FAM178B: variants seen among roughly 807,000 people sequenced by gnomAD.
The protein encoded by FAM178B is protein FAM178B.
A neutral mutation model predicts 91.7 loss-of-function variants in FAM178B; 82 were observed. The observed-to-expected ratio is 0.89, with a 90% CI of 0.75 to 1.07. FAM178B has a LOEUF of 1.07. FAM178B is among the 50% of genes least tolerant of loss of function. The pLI is 0.00. For synonymous variants in FAM178B, 368 were observed against 359.4 expected, an observed-to-expected ratio of 1.02 and a Z score of -0.27; for missense variants, 769 against 846.7, an observed-to-expected ratio of 0.91 and a Z score of 1.14.
intron 12 of FAM178B, 37 bp downstream of exon 12, chr2:96,921,128 T>G: frequency 6.6e-7 from 1 of 1,503,824 alleles, no homozygotes; most frequent in Non-Finnish European, 9.1e-7. Context: ...AAGAGATGCG[T>G]GTGAGAGGGA....
chr2:96,883,440 T>C (rs183208121), intron 14 of FAM178B, among the ~76,000 whole-genome samples: 1 of 151,988 alleles, frequency 6.6e-6, no homozygotes, highest in East Asian at 1.9e-4. Flanking sequence ...CCAGAACATA[T>C]AACCTTTCTC....
chr2:96,926,193 C>T (rs965001915), intron 9 of FAM178B, among the ~76,000 whole-genome samples: 2 of 152,168 alleles, frequency 1.3e-5, no homozygotes, highest in African/African-American at 4.8e-5. Context: ...ATCCCAGGTA[C>T]TCAGGAGGCT....
chr2:96,935,425 C>T (rs987975207), intron 8 of FAM178B, among the ~76,000 whole-genome samples: 1 of 152,102 alleles, frequency 6.6e-6, no homozygotes, highest in Admixed American at 6.5e-5. Flanking sequence ...AGGCAATCGC[C>T]TTCTCACTTG....
At chr2:96,981,758 A>AG (rs1007750839) in intron 1 of FAM178B, among the ~76,000 whole-genome samples, 1 of 150,642 alleles carries the variant, frequency 6.6e-6, no homozygotes, top group African/African-American at 2.4e-5. Context: ...AAAAAAAAAA[A>AG]AAAAGAAAGA....
At chr2:96,896,151 CT>C (rs1372762289) in intron 13 of FAM178B, among the ~76,000 whole-genome samples, 4 of 152,228 alleles carry the variant, frequency 2.6e-5, no homozygotes, top group African/African-American at 9.6e-5. Flanking sequence ...CCAGCGTGGC[CT>C]TTGGGCAGGC....
chr2:96,951,472 G>A lies in FAM178B; in HGVS notation c.900C>T (p.Ala300=), dbSNP rs2081926731. 6.4e-7 allele frequency: 1 copy of A among 1,551,556 alleles called. No individual in the cohort carries two copies. The highest frequency in any genetic ancestry group is 8.7e-7 in the Non-Finnish European group (1 of 1,146,884). ...CACTGCGCAGGAAGGAGAGCTGTTG[G>A]GCTGGCGGGGAGCTGGGAGGCAGAG... is the stretch of plus-strand genomic sequence containing the variant. ...LEGLFLSSPP[A]QQLSFLRSGL... is the part of the protein sequence containing the mutation. Residue 300 remains alanine (A), a synonymous_variant, in exon 7 of 17, where the codon GCC becomes GCT. Transcript: ENST00000490605.
intron 9 of FAM178B, among the ~76,000 whole-genome samples, chr2:96,926,706 C>A (rs1032867068): frequency 2.6e-5 from 4 of 152,236 alleles, no homozygotes; most frequent in African/African-American, 9.6e-5. Flanking sequence ...CATGGCCCAG[C>A]TGCGGAAGGA....
chr2:96,926,959 G>A (rs2081450383), intron 9 of FAM178B, among the ~76,000 whole-genome samples: 1 of 152,224 alleles, frequency 6.6e-6, no homozygotes, highest in Non-Finnish European at 1.5e-5. Context: ...CTGGATGGAG[G>A]CATCCCTGGA....
At chr2:96,894,563 C>T (rs1359986793) in intron 13 of FAM178B, among the ~76,000 whole-genome samples, 2 of 115,758 alleles carry the variant, frequency 1.7e-5, no homozygotes, top group Non-Finnish European at 3.6e-5. Context: ...CCCCCACACA[C>T]CCCCACCCAC....
Position 96,877,753 on chromosome 2 carries a change from C to T in FAM178B, c.2007+137G>A, listed in dbSNP as rs1293714085. On this transcript the variant is annotated intron_variant, in intron 16 of 16. Coordinates refer to ENST00000490605, the MANE Select transcript of FAM178B (RefSeq NM_001122646.3). ...GCCCCTCAAGGCGTCCCCACCCTTC[C>T]CCCACATGCCCACTCCACCCATATC... 4 of 842,134 alleles carry T rather than the reference C, an allele frequency of 4.7e-6. No homozygotes were observed. The African/African-American group carries it at 5.1e-5, about 11-fold the overall frequency. The allele number at this position is 842,134 out of a possible 1,614,324, so 52.2% of individuals were successfully genotyped here.
rs373594394 is a variant in FAM178B at position 96,986,526 on chromosome 2, G to C, written c.-213C>G. 3 of 596,402 alleles carry C rather than the reference G, an allele frequency of 5.0e-6. No homozygotes were observed. The highest frequency in any genetic ancestry group is 8.4e-6 in the Non-Finnish European group (3 of 355,208). The allele number at this position is 596,402 out of a possible 1,614,324, so 36.9% of individuals were successfully genotyped here. On this transcript the variant is annotated 5_prime_UTR_variant, in exon 1 of 17. Transcript: ENST00000490605. ...GGATTGAGTTCCGACTCCAAACCAA[G>C]CGGCCAGCTCACAGCCGCCGCCGCC...
chr2:96,937,505 C>T (rs2081652412), intron 8 of FAM178B, among the ~76,000 whole-genome samples: 1 of 152,188 alleles, frequency 6.6e-6, no homozygotes, highest in Non-Finnish European at 1.5e-5. Context: ...AGGCCAACTG[C>T]CCGTGGCTCA....
rs1574219830 is a variant in FAM178B at position 96,902,613 on chromosome 2, C to T, written c.1650+7G>A. On this transcript the variant is annotated splice_region_variant and intron_variant, in intron 13 of 16. Coordinates refer to ENST00000490605, the MANE Select transcript of FAM178B (RefSeq NM_001122646.3). ...CCTTCCTGCCCAGGCCTGAAGCAAA[C>T]ACTCACCTGGGTCTTCTCTTGCCAG... The T allele has an allele frequency of 2.6e-6, 4 of 1,547,782 alleles. No homozygotes were observed. The highest frequency in any genetic ancestry group is 2.6e-6 in the Non-Finnish European group (3 of 1,143,882).
chr2:96,984,105 G>T (rs1417722302), intron 1 of FAM178B, among the ~76,000 whole-genome samples: 1 of 152,092 alleles, frequency 6.6e-6, no homozygotes, highest in African/African-American at 2.4e-5. Flanking sequence ...GAGAAGCTGA[G>T]ATTACAGGTA....
rs1271580940 is a variant in FAM178B, at chr2:96,972,053, C to T, written c.412G>A (p.Val138Met). 3 of 1,548,630 alleles carry T rather than the reference C, an allele frequency of 1.9e-6. No individual in the cohort carries two copies. Among genetic ancestry groups the T allele is most frequent in the Non-Finnish European group, 2.6e-6 (3 of 1,145,966 alleles). ...AGTCTCCTCAGGCCCTGGGGGCCCA[C>T]CACACCCACCCACCTCTGGGCCGGG... is the stretch of plus-strand genomic sequence containing the variant. ...EAPAQRWVGV[V>M]GPQGLRRLAG... The change falls in exon 3 of 17, where the codon GTG (valine) becomes ATG (methionine). Residue 138 changes from valine to methionine, a missense_variant. Val to Met is a conservative substitution (Grantham distance 21, BLOSUM62 1). Coordinates refer to ENST00000490605, the MANE Select transcript of FAM178B (RefSeq NM_001122646.3).
At chr2:96,961,617 C>T (rs2082082758) in intron 5 of FAM178B, among the ~76,000 whole-genome samples, 1 of 152,170 alleles carries the variant, frequency 6.6e-6, no homozygotes, top group Non-Finnish European at 1.5e-5. Flanking sequence ...AGGAGACGGC[C>T]CATTCCCTGG....
intron 14 of FAM178B, among the ~76,000 whole-genome samples, chr2:96,883,038 A>C (rs988648760): frequency 6.6e-6 from 1 of 152,310 alleles, no homozygotes; most frequent in Non-Finnish European, 1.5e-5. Flanking sequence ...CTCTTCTGAG[A>C]AGTTCCATGC....
chr2:96,975,706 C>A (rs2082279624), intron 1 of FAM178B, among the ~76,000 whole-genome samples: 1 of 152,240 alleles, frequency 6.6e-6, no homozygotes, highest in Non-Finnish European at 1.5e-5. Context: ...ACCCCTTTAT[C>A]TTCCATCTAC....
intron 5 of FAM178B, among the ~76,000 whole-genome samples, chr2:96,962,162 C>T (rs1265942842): frequency 2.6e-5 from 4 of 152,058 alleles, no homozygotes; most frequent in East Asian, 1.9e-4. Context: ...ATTAGCTGGG[C>T]GTGGTAGCCG....
Sources: allele counts gnomAD v4.1 joint callset (sites outside exome capture counted in the v4.1 genomes callset), GRCh38; gene constraint gnomAD v4.1.1; transcripts MANE v1.5; gene names NCBI Gene and HGNC (gene_info 2026-07-23, HGNC 2026-07-21).